CEACAM4: variants seen among roughly 807,000 people sequenced by gnomAD.
The protein encoded by CEACAM4 is cell adhesion molecule CEACAM4.
A neutral mutation model predicts 28.7 loss-of-function variants in CEACAM4; 30 were observed. The ratio of observed to expected loss-of-function variants is 1.05; its 90% CI spans 0.78 to 1.42. CEACAM4 has a LOEUF of 1.42. Among genes scored for constraint, CEACAM4 ranks in the 40% most tolerant of loss-of-function variants. The pLI is 0.00. For synonymous variants in CEACAM4, 143 were observed against 126.5 expected (o/e 1.13, Z -0.87); for missense variants, 330 against 308.2 (o/e 1.07, Z -0.53).
At chr19:41,615,547 C>T (rs1204907279), downstream of CEACAM4, among the ~76,000 whole-genome samples, 1 of 151,994 alleles carries the variant, frequency 6.6e-6, no homozygotes, top group Non-Finnish European at 1.5e-5. Context: ...GAACAAGGCC[C>T]CTGGTGAGAG....
At position 41,625,774 on chromosome 19, in the gene CEACAM4, G is replaced by T; in HGVS notation, c.251C>A (p.Thr84Lys). Residue 84 changes from threonine (T) to lysine (K), a missense_variant, in exon 2 of 7, where the codon ACA becomes AAA. Coordinates refer to ENST00000221954, the MANE Select transcript of CEACAM4 (RefSeq NM_001817.4). ...EGSPLIAGYI[T>K]DIQANIPGAA... is the part of the protein sequence containing the mutation. Reference sequence around the variant, plus strand: ...CCCTGGGATATTTGCTTGAATGTCTGTTATATAACCAGCAATGAGAGGGCT... The same window carrying T: ...CCCTGGGATATTTGCTTGAATGTCTTTTATATAACCAGCAATGAGAGGGCT... 1.2e-6 allele frequency: 2 copies of T among 1,613,980 alleles called. No individual in the cohort carries two copies. Among genetic ancestry groups the T allele is most frequent in the Non-Finnish European group, 1.7e-6 (2 of 1,179,936 alleles).
chr19:41,623,238 G>A (rs960081270), intron 2 of CEACAM4, among the ~76,000 whole-genome samples: 9 of 151,984 alleles, frequency 5.9e-5, no homozygotes, highest in African/African-American at 1.9e-4. Context: ...GGCTGGTATC[G>A]AACTCCTGAC....
chr19:41,627,005 C>T lies in CEACAM4; in HGVS notation c.-42G>A, dbSNP rs782326482. On this transcript the variant is annotated 5_prime_UTR_variant, in exon 1 of 7. Coordinates refer to ENST00000221954, the MANE Select transcript of CEACAM4 (RefSeq NM_001817.4). ...TTGTCCTCTGTGGAGAGGAGCTGGG[C>T]TCCAGGAACGCTCTTGTCAGAGCTG... 6.5e-7 allele frequency: 1 copy of T among 1,546,500 alleles called. No individual in the cohort carries two copies. The highest frequency in any genetic ancestry group is 8.8e-7 in the Non-Finnish European group (1 of 1,140,566).
At chr19:41,616,139 C>T (rs1469516211), downstream of CEACAM4, among the ~76,000 whole-genome samples, 1 of 152,158 alleles carries the variant, frequency 6.6e-6, no homozygotes, top group Non-Finnish European at 1.5e-5. Context: ...AGGCAATTCT[C>T]CTGCCTCAGC....
At chr19:41,622,849 TATATATAGATAGATAGATAG>T (rs1390452123) in intron 2 of CEACAM4, among the ~76,000 whole-genome samples, 7 of 111,254 alleles carry the variant, frequency 6.3e-5, no homozygotes, top group African/African-American at 1.4e-4. Context: ...TATATATACA[TATATATAGATAGATAGATAG>T]ATAGATAGAT....
At chr19:41,625,494 C>A in intron 2 of CEACAM4, 107 bp downstream of exon 2, 4 of 1,358,540 alleles carry the variant, frequency 2.9e-6, no homozygotes, top group South Asian at 1.4e-5. Flanking sequence ...AATCTCAACA[C>A]GGGACAAAAT....
downstream of CEACAM4, among the ~76,000 whole-genome samples, chr19:41,615,439 T>C (rs781843192): frequency 6.6e-6 from 1 of 152,008 alleles, no homozygotes; most frequent in Non-Finnish European, 1.5e-5. Context: ...TGGTGATTCT[T>C]GTCAGACACG....
chr19:41,625,278 C>T (rs1253817999), intron 2 of CEACAM4, among the ~76,000 whole-genome samples: 1 of 152,212 alleles, frequency 6.6e-6, no homozygotes, highest in African/African-American at 2.4e-5. Context: ...CCAGGACGCC[C>T]TCAGGCCAGG....
chr19:41,620,335 C>A, intron 4 of CEACAM4, 93 bp from the exon 5 acceptor site: 1 of 1,205,220 alleles, frequency 8.3e-7, no homozygotes, highest in Non-Finnish European at 1.1e-6. Context: ...CCCAGAGAAT[C>A]AGGGAGAGGG....
chr19:41,620,473 G>T, intron 4 of CEACAM4, 102 bp downstream of exon 4: 5 of 1,030,428 alleles, frequency 4.9e-6, no homozygotes, highest in Non-Finnish European at 7.1e-6. Flanking sequence ...CCTCCTTGCA[G>T]CCCCAAAGAA....
At chr19:41,623,263 C>T (rs2071416276) in intron 2 of CEACAM4, among the ~76,000 whole-genome samples, 1 of 152,126 alleles carries the variant, frequency 6.6e-6, no homozygotes. Flanking sequence ...GGTGATCTGC[C>T]TGCCTCGGCC....
Position 41,621,666 on chromosome 19 carries a change from A to T in CEACAM4, c.527T>A (p.Leu176His). The change falls in exon 3 of 7, where the codon CTC (leucine) becomes CAC (histidine). Residue 176 changes from leucine (L) to histidine (H), a missense_variant. Leu to His is a moderately conservative substitution (Grantham distance 99, BLOSUM62 -3). Transcript: ENST00000221954. ...LVAALVCFLL[L>H]SRTGRASIQR... ...GCTGCGGTACCTTCCAGTCCTGGAG[A>T]GAAGCAGAAAACACACCAGGGCGGC... 6.2e-7 allele frequency: 1 copy of T among 1,600,716 alleles called. No homozygotes were observed. The highest frequency in any genetic ancestry group is 1.7e-5 in the Admixed American group (1 of 59,974).
downstream of CEACAM4, among the ~76,000 whole-genome samples, chr19:41,616,985 C>T (rs373366736): frequency 2.0e-5 from 3 of 152,192 alleles, no homozygotes; most frequent in South Asian, 2.1e-4. Context: ...TCCAGACATG[C>T]AAAGGTTTCG....
At chr19:41,618,538 G>A (rs2071053536), downstream of CEACAM4, among the ~76,000 whole-genome samples, 2 of 152,188 alleles carry the variant, frequency 1.3e-5, no homozygotes, top group South Asian at 4.1e-4. Flanking sequence ...TTGGGGACAG[G>A]TAAGTTCATT....
At chr19:41,614,676 C>T (rs1013330744), downstream of CEACAM4, among the ~76,000 whole-genome samples, 21 of 152,200 alleles carry the variant, frequency 1.4e-4, no homozygotes, top group African/African-American at 4.8e-4. Context: ...AAGCAGCTCC[C>T]TCTGCCAGTC....
At position 41,625,889 on chromosome 19, in the gene CEACAM4, C is replaced by T. The variant is rs782495116; in HGVS notation, c.136G>A (p.Ala46Thr). Residue 46 changes from alanine (A) to threonine (T), a missense_variant, in exon 2 of 7, where the codon GCA becomes ACA. By Grantham distance (58) the Ala-to-Thr change is moderately conservative. Coordinates refer to ENST00000221954, the MANE Select transcript of CEACAM4 (RefSeq NM_001817.4). ...AGTAGAAGAACATCCTTTCCCTCTGCAGCACTGGACGGCAGGGCTTCAATA... is the reference window on the plus strand; with the variant it reads ...AGTAGAAGAACATCCTTTCCCTCTGTAGCACTGGACGGCAGGGCTTCAATA... ...FTIEALPSSAAEGKDVLLLAC... is the reference protein window; with the variant it reads ...FTIEALPSSATEGKDVLLLAC... 5 of 1,613,706 alleles carry T rather than the reference C, an allele frequency of 3.1e-6. No individual in the cohort carries two copies. Among genetic ancestry groups the T allele is most frequent in the Non-Finnish European group, 4.2e-6 (5 of 1,179,850 alleles).
chr19:41,619,491 G>T, intron 6 of CEACAM4, 96 bp from the exon 7 acceptor site: 1 of 1,575,974 alleles, frequency 6.3e-7, no homozygotes, highest in Non-Finnish European at 8.6e-7. Context: ...CTTCTCTGGG[G>T]CTGAACCTGG....
At chr19:41,622,855 TAGATAGATAG>T (rs1568654082) in intron 2 of CEACAM4, among the ~76,000 whole-genome samples, 2 of 108,694 alleles carry the variant, frequency 1.8e-5, no homozygotes, top group African/African-American at 9.1e-5. Context: ...TACATATATA[TAGATAGATAG>T]ATAGATAGAT....
At chr19:41,619,418 T>C in intron 6 of CEACAM4, 23 bp from the exon 7 acceptor site, 1 of 1,612,102 alleles carries the variant, frequency 6.2e-7, no homozygotes, top group Non-Finnish European at 8.5e-7. Context: ...AGAAGAGGCC[T>C]CAACCCCTGT....
Sources: gnomAD v4.1 joint callset for allele counts (sites outside exome capture counted in the v4.1 genomes callset) on GRCh38, gnomAD v4.1.1 for gene constraint, MANE v1.5 for transcripts, NCBI Gene and HGNC (gene_info 2026-07-23, HGNC 2026-07-21) for gene names.